Variants in ZNHIT6 observed in about 807,000 individuals in gnomAD.
ZNHIT6 encodes box C/D snoRNA protein 1.
A neutral mutation model predicts 57.2 loss-of-function variants in ZNHIT6; 45 were observed. The ratio of observed to expected loss-of-function variants is 0.79; its 90% CI spans 0.62 to 1.01. ZNHIT6 has a LOEUF of 1.01. ZNHIT6 is among the 50% of genes least tolerant of loss of function. ZNHIT6 has a pLI of 0.00. For missense variants in ZNHIT6, 528 were observed against 567.3 expected, an observed-to-expected ratio of 0.93 and a Z score of 0.70; for synonymous variants, 188 against 190.0, an observed-to-expected ratio of 0.99 and a Z score of 0.09.
In ZNHIT6 at chr1:85,707,952, G is replaced by A. The variant is rs200299648; in HGVS notation, c.333C>T (p.Asn111=). 1.5e-4 allele frequency: 248 copies of A among 1,613,696 alleles called. No homozygotes were observed. The East Asian group carries it at 4.6e-3, about 30-fold the overall frequency. ...VEDRPEVKDE[N]AGVLEVKQET... is the part of the protein sequence containing the mutation. ...CCTGCTTCACCTCCAATACGCCTGCGTTCTCATCCTTCACCTCAGGCCTAT... is the reference window on the plus strand; with the variant it reads ...CCTGCTTCACCTCCAATACGCCTGCATTCTCATCCTTCACCTCAGGCCTAT... The change falls in exon 1 of 10, where the codon AAC becomes AAT. Residue 111 remains asparagine, a synonymous_variant. Transcript: ENST00000370574.
At chr1:85,677,798 C>G (rs1193762817) in intron 7 of ZNHIT6, among the ~76,000 whole-genome samples, 1 of 152,140 alleles carries the variant, frequency 6.6e-6, no homozygotes, top group Non-Finnish European at 1.5e-5. Context: ...ATTTTAAATA[C>G]CAGGTTATTC....
At chr1:85,706,394 T>A in intron 2 of ZNHIT6, 39 bp from the exon 3 acceptor site, 1 of 1,613,506 alleles carries the variant, frequency 6.2e-7, no homozygotes, top group Non-Finnish European at 8.5e-7. Flanking sequence ...TATTTTAGGG[T>A]AAGAAAGGTA....
intron 8 of ZNHIT6, among the ~76,000 whole-genome samples, chr1:85,660,581 G>C (rs1456513682): frequency 9.9e-5 from 15 of 152,112 alleles, no homozygotes; most frequent in Admixed American, 9.8e-4. Flanking sequence ...GGAATGTTCA[G>C]AGGTACATAA....
intron 5 of ZNHIT6, among the ~76,000 whole-genome samples, chr1:85,683,081 G>A (rs1037533716): frequency 7.9e-5 from 12 of 152,156 alleles, no homozygotes; most frequent in Non-Finnish European, 1.5e-5. Flanking sequence ...GCCAGGCATG[G>A]TGGCGTATGC....
chr1:85,708,359 C>T lies in ZNHIT6; in HGVS notation c.-75G>A. 6.6e-7 allele frequency: 1 copy of T among 1,506,812 alleles called. No homozygotes were observed. Among genetic ancestry groups the T allele is most frequent in the Admixed American group, 2.0e-5 (1 of 49,270 alleles). The allele number at this position is 1,506,812 out of a possible 1,614,324, so 93.3% of individuals were successfully genotyped here. A position where few individuals can be genotyped will look rare whatever the true frequency, so the allele number is the denominator to read the frequency against. On this transcript the variant is annotated 5_prime_UTR_variant, in exon 1 of 10. Transcript: ENST00000370574. ...GCTGCACACCAATAGGAGGAATTACCGGTCGGAATACCTACGGCGGCCCAC... is the reference window on the plus strand; with the variant it reads ...GCTGCACACCAATAGGAGGAATTACTGGTCGGAATACCTACGGCGGCCCAC...
Position 85,708,297 on chromosome 1 carries a change from C to T in ZNHIT6, c.-13G>A, listed in dbSNP as rs1270210641. 3 of 1,582,122 alleles carry T rather than the reference C, an allele frequency of 1.9e-6. No individual in the cohort carries two copies. The highest frequency in any genetic ancestry group is 1.3e-5 in the African/African-American group (1 of 74,492). On this transcript the variant is annotated 5_prime_UTR_variant, in exon 1 of 10. Coordinates refer to ENST00000370574, the MANE Select transcript of ZNHIT6 (RefSeq NM_017953.4). ...CAGCAAACTCCATCAACTCACGATC[C>T]TTGGCCTCTGCTGCCACTCTATCCT... is the stretch of plus-strand genomic sequence containing the variant.
intron 5 of ZNHIT6, among the ~76,000 whole-genome samples, chr1:85,687,443 C>G (rs913152909): frequency 7.9e-5 from 12 of 151,954 alleles, no homozygotes; most frequent in African/African-American, 2.9e-4. Context: ...AGAGATGAAA[C>G]TAGACACATT....
At position 85,653,729 on chromosome 1, in the gene ZNHIT6, G is replaced by C. The variant is rs1660979399; in HGVS notation, c.*329C>G. 1 of 192,458 alleles carries C rather than the reference G, an allele frequency of 5.2e-6. No individual in the cohort carries two copies. The highest frequency in any genetic ancestry group is 1.5e-4 in the South Asian group (1 of 6,764). The allele number at this position is 192,458 out of a possible 1,614,324, so 11.9% of individuals were successfully genotyped here. ...TATGCTCATACCACTTGCACTCCAA[G>C]ACCCCATCTCAAAAAAAGAAAGAAA... On this transcript the variant is annotated 3_prime_UTR_variant, in exon 10 of 10. Transcript: ENST00000370574.
chr1:85,691,229 ATT>A (rs1376083196), intron 5 of ZNHIT6, among the ~76,000 whole-genome samples: 2 of 152,242 alleles, frequency 1.3e-5, no homozygotes, highest in Admixed American at 1.3e-4. Flanking sequence ...ATTAAATAAA[ATT>A]TGTTATGTTT....
At position 85,707,638 on chromosome 1, in the gene ZNHIT6, G is replaced by A. The variant is rs1345328490; in HGVS notation, c.647C>T (p.Ala216Val). ...NHPVGCKRKL[A>V]MSRCETCGTE... is the part of the protein sequence containing the mutation. The stretch of plus-strand genomic sequence containing the variant: ...ATCCCCCATGCCCTACCTTGACATG[G>A]CCAGTTTCCGCTTGCAGCCCACCGG... The change falls in exon 1 of 10, where the codon GCC becomes GTC. Residue 216 changes from alanine to valine, a missense_variant. Coordinates refer to ENST00000370574, the MANE Select transcript of ZNHIT6 (RefSeq NM_017953.4). The A allele has an allele frequency of 6.5e-7, 1 of 1,549,222 alleles. No homozygotes were observed. Among genetic ancestry groups the A allele is most frequent in the African/African-American group, 1.4e-5 (1 of 72,688 alleles).
intron 5 of ZNHIT6, among the ~76,000 whole-genome samples, chr1:85,695,210 G>C (rs551120047): frequency 2.6e-5 from 4 of 152,130 alleles, no homozygotes; most frequent in Non-Finnish European, 4.4e-5. Context: ...GTTGCAGAGA[G>C]AAGACTGAGA....
chr1:85,670,120 A>G (rs1161217004), intron 8 of ZNHIT6, among the ~76,000 whole-genome samples: 1 of 149,470 alleles, frequency 6.7e-6, no homozygotes, highest in African/African-American at 2.5e-5. Flanking sequence ...TTTACATGAT[A>G]TACAGATATC....
intron 8 of ZNHIT6, among the ~76,000 whole-genome samples, chr1:85,674,322 A>G (rs1179222105): frequency 2.6e-5 from 4 of 150,994 alleles, no homozygotes; most frequent in African/African-American, 9.7e-5. Context: ...TTTTTCGGAG[A>G]CGAGGTCCTG....
intron 5 of ZNHIT6, among the ~76,000 whole-genome samples, chr1:85,696,780 T>C (rs149101563): frequency 2.6e-5 from 4 of 152,106 alleles, no homozygotes; most frequent in African/African-American, 4.8e-5. Context: ...ACTTTCATTA[T>C]ATTAGATATT....
Position 85,702,164 on chromosome 1 carries a change from CA to C in ZNHIT6, c.1011del (p.Phe337LeufsTer12), listed in dbSNP as rs1428659588. 3 of 1,600,448 alleles carry C rather than the reference CA, an allele frequency of 1.9e-6. No individual in the cohort carries two copies. Among genetic ancestry groups the C allele is most frequent in the African/African-American group, 1.4e-5 (1 of 74,038 alleles). ...AAAAAGTTAGAAACTTACTTCTTAT[CA>C]AAAAAGGTTGAATTCTCCTTCCTCT... ...FTKRKENSTFFDKKKQQFCWH... is the reference protein window; with the variant it reads ...FTKRKENSTFXDKKKQQFCWH... On this transcript the variant is annotated frameshift_variant, in exon 5 of 10. Coordinates refer to ENST00000370574, the MANE Select transcript of ZNHIT6 (RefSeq NM_017953.4). LOFTEE classifies it high-confidence loss of function.
intron 5 of ZNHIT6, among the ~76,000 whole-genome samples, chr1:85,699,297 C>T (rs1662462082): frequency 6.6e-6 from 1 of 152,030 alleles, no homozygotes; most frequent in African/African-American, 2.4e-5. Context: ...CAAAGTAACT[C>T]TTAAATGTCT....
At chr1:85,694,035 G>A (rs1315583234) in intron 5 of ZNHIT6, among the ~76,000 whole-genome samples, 3 of 152,056 alleles carry the variant, frequency 2.0e-5, no homozygotes, top group Non-Finnish European at 1.5e-5. Flanking sequence ...TTTTAAAACA[G>A]GCAAAAGAAA....
At chr1:85,707,583 G>A (rs75516888) in intron 1 of ZNHIT6, 46 bp downstream of exon 1, 3 of 1,505,342 alleles carry the variant, frequency 2.0e-6, no homozygotes, top group Non-Finnish European at 2.7e-6. Flanking sequence ...CTAGACATGA[G>A]GACTCCACAG....
chr1:85,708,088 T>C lies in ZNHIT6; in HGVS notation c.197A>G (p.Gln66Arg). 1 of 1,614,118 alleles carries C rather than the reference T, an allele frequency of 6.2e-7. No individual in the cohort carries two copies. The highest frequency in any genetic ancestry group is 8.5e-7 in the Non-Finnish European group (1 of 1,180,024). ...GTCCATCGGTATTTCCTCTGGCCTTTGTCCACTTCCTTCCTCTCCATCCCC... is the reference window on the plus strand; with the variant it reads ...GTCCATCGGTATTTCCTCTGGCCTTCGTCCACTTCCTTCCTCTCCATCCCC... ...EIGDGEEGSGQRPEEIPMDLT... is the reference protein window; with the variant it reads ...EIGDGEEGSGRRPEEIPMDLT... The change falls in exon 1 of 10, where the codon CAA (glutamine) becomes CGA (arginine). Residue 66 changes from glutamine (Q) to arginine (R), a missense_variant. Coordinates refer to ENST00000370574, the MANE Select transcript of ZNHIT6 (RefSeq NM_017953.4).
Sources: allele counts gnomAD v4.1 joint callset (sites outside exome capture counted in the v4.1 genomes callset), GRCh38; gene constraint gnomAD v4.1.1; transcripts MANE v1.5; gene names NCBI Gene and HGNC (gene_info 2026-07-23, HGNC 2026-07-21).